The following XYLB variants were observed in gnomAD, a reference collection of about 807,000 sequenced individuals.
XYLB encodes xylulose kinase.
In XYLB, 62 loss-of-function variants were observed where a neutral mutation model predicts 78.7. The ratio of observed to expected loss-of-function variants is 0.79; its 90% CI spans 0.64 to 0.97. The LOEUF (loss-of-function observed/expected upper bound fraction) is 0.97. Ranked by LOEUF, XYLB falls within the 50% of genes least tolerant of loss-of-function variation. The pLI, the probability that XYLB is intolerant of heterozygous loss-of-function variation, is 0.00. For missense variants in XYLB, 687 were observed against 676.8 expected, an observed-to-expected ratio of 1.02 and a Z score of -0.17; for synonymous variants, 245 against 247.4, an observed-to-expected ratio of 0.99 and a Z score of 0.09.
At chr3:38,370,266 A>ACACACACACACT (rs773645459) in intron 9 of XYLB, 92 bp downstream of exon 9, 7 of 873,570 alleles carry the variant, frequency 8.0e-6, no homozygotes, top group South Asian at 2.9e-5. Flanking sequence ...ACACACACAC[A>ACACACACACACT]CTCTGCACAC....
the XYLB span, among the ~76,000 whole-genome samples, chr3:38,445,993 G>A: frequency 3.3e-5 from 5 of 152,182 alleles, no homozygotes; most frequent in Admixed American, 6.5e-5. Flanking sequence ...GAATGAAGTC[G>A]TGGACCTTTG....
intron 14 of XYLB, 137 bp downstream of exon 14, chr3:38,377,128 T>A: frequency 1.3e-6 from 1 of 760,938 alleles, no homozygotes; most frequent in East Asian, 2.7e-5. Context: ...ACTTGTGGTG[T>A]GCCAGGGTGC....
downstream of XYLB, among the ~76,000 whole-genome samples, chr3:38,420,869 T>G (rs1141464): frequency 0.42 from 64,253 of 151,838 alleles, 15,839 homozygotes; most frequent in Non-Finnish European, 0.57. Flanking sequence ...TGCACACTGC[T>G]AAAAGTTGTT....
At chr3:38,392,564 T>C (rs1707710489) in intron 15 of XYLB, among the ~76,000 whole-genome samples, 1 of 152,212 alleles carries the variant, frequency 6.6e-6, no homozygotes, top group African/African-American at 2.4e-5. Context: ...CCCAAAGTGC[T>C]GGGATTACAG....
chr3:38,416,175 C>G (rs1220710250), downstream of XYLB, among the ~76,000 whole-genome samples: 1 of 151,772 alleles, frequency 6.6e-6, no homozygotes, highest in Non-Finnish European at 1.5e-5. Context: ...TTTGACAAGA[C>G]AGAAGTAACA....
chr3:38,350,296 C>G (rs988883763), intron 2 of XYLB, among the ~76,000 whole-genome samples: 66 of 152,170 alleles, frequency 4.3e-4, no homozygotes, highest in African/African-American at 1.5e-3. Context: ...GCATGTTTGC[C>G]TTTGGGTAGT....
intron 10 of XYLB, 105 bp downstream of exon 10, chr3:38,372,841 C>T: frequency 1.7e-6 from 2 of 1,203,816 alleles, no homozygotes; most frequent in Non-Finnish European, 2.4e-6. Context: ...TGTGGTCATT[C>T]CTCACCACCC....
At chr3:38,379,169 A>G in intron 14 of XYLB, 77 bp from the exon 15 acceptor site, 1 of 1,440,598 alleles carries the variant, frequency 6.9e-7, no homozygotes, top group Non-Finnish European at 9.8e-7. Context: ...TAAAAAGATC[A>G]CACACAGACA....
At chr3:38,398,784 G>A (rs1368406861) in intron 17 of XYLB, among the ~76,000 whole-genome samples, 2 of 151,094 alleles carry the variant, frequency 1.3e-5, no homozygotes, top group Non-Finnish European at 2.9e-5. Context: ...CAGCACTTTG[G>A]GAGGCCAAGG....
At chr3:38,361,668 G>A (rs1705980622) in intron 3 of XYLB, among the ~76,000 whole-genome samples, 1 of 152,164 alleles carries the variant, frequency 6.6e-6, no homozygotes, top group Admixed American at 6.5e-5. Context: ...AGCAGTGGGT[G>A]AGAACCAGGC....
At chr3:38,411,722 G>T (rs1708598275) in intron 18 of XYLB, among the ~76,000 whole-genome samples, 4 of 150,710 alleles carry the variant, frequency 2.7e-5, no homozygotes, top group Admixed American at 2.6e-4. Flanking sequence ...TGTTTTCCTT[G>T]AGATCTCATA....
At chr3:38,418,263 T>C (rs919676772), downstream of XYLB, among the ~76,000 whole-genome samples, 2 of 151,470 alleles carry the variant, frequency 1.3e-5, no homozygotes, top group African/African-American at 4.9e-5. Context: ...AAAACGCAAG[T>C]ACACTTTAAG....
chr3:38,427,756 C>A, the XYLB span, among the ~76,000 whole-genome samples: 2 of 152,132 alleles, frequency 1.3e-5, no homozygotes, highest in African/African-American at 4.8e-5. Context: ...CCACACCTGG[C>A]TAATTTTTGT....
At chr3:38,431,228 A>T in the XYLB span, among the ~76,000 whole-genome samples, 1 of 151,978 alleles carries the variant, frequency 6.6e-6, no homozygotes, top group African/African-American at 2.4e-5. Context: ...CTTTTATTTC[A>T]TTGAGCAGTG....
chr3:38,365,815 G>C (rs1706229527), intron 6 of XYLB, 79 bp downstream of exon 6: 1 of 1,491,270 alleles, frequency 6.7e-7, no homozygotes, highest in South Asian at 1.3e-5. Flanking sequence ...TGCCTCTGGG[G>C]GGATCACATG....
chr3:38,373,446 C>G (rs932978299), intron 10 of XYLB, among the ~76,000 whole-genome samples: 1 of 152,232 alleles, frequency 6.6e-6, no homozygotes, highest in Non-Finnish European at 1.5e-5. Flanking sequence ...TCCTTTCAGT[C>G]TTCTTTCTGT....
intron 2 of XYLB, among the ~76,000 whole-genome samples, chr3:38,355,501 A>G (rs909356298): frequency 1.3e-5 from 2 of 152,194 alleles, no homozygotes; most frequent in African/African-American, 2.4e-5. Flanking sequence ...TAACTTTTTT[A>G]TCCTTTTACT....
At chr3:38,449,760 T>C in the XYLB span, among the ~76,000 whole-genome samples, 3 of 152,208 alleles carry the variant, frequency 2.0e-5, no homozygotes, top group African/African-American at 7.2e-5. Context: ...TGAGTAGAGC[T>C]TGTTTGTTGA....
intron 12 of XYLB, among the ~76,000 whole-genome samples, chr3:38,375,676 A>G (rs1706816325): frequency 6.6e-6 from 1 of 152,124 alleles, no homozygotes; most frequent in Non-Finnish European, 1.5e-5. Flanking sequence ...GACGGCTCTC[A>G]TGGAAGGGAC....
Sources: gnomAD v4.1 joint callset for allele counts (sites outside exome capture counted in the v4.1 genomes callset) on GRCh38, gnomAD v4.1.1 for gene constraint, MANE v1.5 for transcripts, NCBI Gene and HGNC (gene_info 2026-07-23, HGNC 2026-07-21) for gene names.